RALYL: variants seen among roughly 807,000 people sequenced by gnomAD.
The protein encoded by RALYL is RALY RNA binding protein like, also known as RNA-binding Raly-like protein.
Under a neutral mutation model 35.1 loss-of-function variants are expected in RALYL, and 29 were observed. That is an observed-to-expected ratio of 0.83 (90% confidence interval 0.61 to 1.13). The LOEUF (loss-of-function observed/expected upper bound fraction) is 1.13. RALYL is among the 50% of genes most tolerant of loss of function. The pLI, the probability that RALYL is intolerant of heterozygous loss-of-function variation, is 0.00. For synonymous variants in RALYL, 120 were observed against 127.6 expected, an observed-to-expected ratio of 0.94 and a Z score of 0.40; for missense variants, 359 against 360.4, an observed-to-expected ratio of 1.00 and a Z score of 0.03.
intron 3 of RALYL, among the ~76,000 whole-genome samples, chr8:84,802,238 A>AAAAT (rs1192206179): frequency 1.3e-5 from 2 of 152,198 alleles, no homozygotes; most frequent in African/African-American, 4.8e-5. Context: ...CATGTGTCAC[A>AAAAT]AAATATTATT....
At chr8:84,598,098 T>C (rs114126855) in intron 2 of RALYL, among the ~76,000 whole-genome samples, 349 of 152,262 alleles carry the variant, frequency 2.3e-3, no homozygotes, top group African/African-American at 5.2e-3. Context: ...ATTGTTCTGC[T>C]CTGCCTTGGT....
intron 1 of RALYL, among the ~76,000 whole-genome samples, chr8:84,253,294 A>G (rs1194306502): frequency 7.4e-6 from 1 of 134,708 alleles, no homozygotes; most frequent in Admixed American, 8.8e-5. Context: ...GGTTCAAGCT[A>G]TTCTCCTGCC....
chr8:84,434,419 C>A (rs913826033), intron 1 of RALYL, among the ~76,000 whole-genome samples: 3 of 152,060 alleles, frequency 2.0e-5, no homozygotes, highest in Non-Finnish European at 4.4e-5. Context: ...TAAGGAACTA[C>A]CTTTCTAGAA....
At chr8:84,296,228 A>G (rs1839715030) in intron 1 of RALYL, among the ~76,000 whole-genome samples, 1 of 152,132 alleles carries the variant, frequency 6.6e-6, no homozygotes, top group Non-Finnish European at 1.5e-5. Context: ...TTCAGGGTGT[A>G]TAACCACTAA....
At chr8:84,619,431 T>C (rs1820714162) in intron 2 of RALYL, among the ~76,000 whole-genome samples, 1 of 148,748 alleles carries the variant, frequency 6.7e-6, no homozygotes. Context: ...CCTTTTTTTG[T>C]TTTCCATTTG....
chr8:84,301,983 G>A (rs1343350751), intron 1 of RALYL, among the ~76,000 whole-genome samples: 1 of 152,042 alleles, frequency 6.6e-6, no homozygotes, highest in East Asian at 1.9e-4. Context: ...GTTTGGGTAA[G>A]GGGAATTAAA....
chr8:84,901,978 C>A (rs984472995), intron 8 of RALYL, among the ~76,000 whole-genome samples: 1 of 152,020 alleles, frequency 6.6e-6, no homozygotes, highest in Non-Finnish European at 1.5e-5. Context: ...AGCCATTTCC[C>A]AGAACAAAGG....
chr8:84,334,201 C>T (rs866329112), intron 1 of RALYL, among the ~76,000 whole-genome samples: 5 of 152,064 alleles, frequency 3.3e-5, no homozygotes, highest in Middle Eastern at 3.4e-3. Context: ...AATACCAGGC[C>T]GTCTTTTTAA....
At chr8:84,221,501 A>G (rs1380621224) in intron 1 of RALYL, among the ~76,000 whole-genome samples, 1 of 152,010 alleles carries the variant, frequency 6.6e-6, no homozygotes, top group Non-Finnish European at 1.5e-5. Flanking sequence ...TGCTTTATTG[A>G]TCATTAGCTG....
At chr8:84,325,056 T>C (rs886872914) in intron 1 of RALYL, among the ~76,000 whole-genome samples, 7 of 152,158 alleles carry the variant, frequency 4.6e-5, no homozygotes, top group African/African-American at 1.4e-4. Flanking sequence ...ATAAAGATTG[T>C]TGTACTAGTA....
chr8:84,285,680 T>G (rs1837458289), intron 1 of RALYL, among the ~76,000 whole-genome samples: 1 of 152,100 alleles, frequency 6.6e-6, no homozygotes, highest in Non-Finnish European at 1.5e-5. Context: ...GCTCAAGGAA[T>G]AGCAAGTGTA....
chr8:84,773,310 T>C (rs973839191), intron 2 of RALYL, among the ~76,000 whole-genome samples: 3 of 152,228 alleles, frequency 2.0e-5, no homozygotes, highest in Non-Finnish European at 2.9e-5. Context: ...TCCAGAATTT[T>C]TGGTTGTTTT....
rs577960027 is a variant in RALYL, at chr8:84,695,047, A to G, written c.257-79532A>G. ...GAAGTATAATTAACGTCAGATATTA[A>G]CAAATATCAAGAAGAATTAGGATTA... On this transcript the variant is annotated intron_variant, in intron 2 of 8. Coordinates refer to ENST00000521268, the MANE Select transcript of RALYL (RefSeq NM_173848.7). 3.3e-5 allele frequency among the ~76,000 whole-genome samples: 5 copies of G among 151,948 alleles called. No homozygotes were observed. In the South Asian group the frequency reaches 1.0e-3, roughly 31 times the overall value.
At chr8:84,325,164 A>G (rs1264406727) in intron 1 of RALYL, among the ~76,000 whole-genome samples, 1 of 152,136 alleles carries the variant, frequency 6.6e-6, no homozygotes, top group Non-Finnish European at 1.5e-5. Context: ...ATTTTCTGTT[A>G]TGGGGAGAGG....
intron 2 of RALYL, among the ~76,000 whole-genome samples, chr8:84,554,250 A>G (rs1482143719): frequency 1.3e-5 from 2 of 152,226 alleles, no homozygotes; most frequent in Non-Finnish European, 2.9e-5. Flanking sequence ...CTTTAAGTTA[A>G]TTAGACTATC....
intron 1 of RALYL, among the ~76,000 whole-genome samples, chr8:84,298,980 A>C (rs1840279016): frequency 1.3e-5 from 2 of 152,046 alleles, no homozygotes. Context: ...AGAGTTTTCT[A>C]GGTATAAAAC....
intron 1 of RALYL, among the ~76,000 whole-genome samples, chr8:84,220,296 T>C (rs1011468498): frequency 1.8e-4 from 27 of 152,074 alleles, no homozygotes; most frequent in African/African-American, 6.3e-4. Context: ...CTTTGTCATA[T>C]ATGTAAGCAT....
chr8:84,873,517 C>A, intron 7 of RALYL, 120 bp downstream of exon 7: 1 of 497,258 alleles, frequency 2.0e-6, no homozygotes, highest in Non-Finnish European at 3.6e-6. Context: ...TACAGATGTG[C>A]CAACAATGTC....
Position 84,543,336 on chromosome 8 carries a change from T to G in RALYL, c.256+13759T>G, listed in dbSNP as rs149268470. ...TTACATATTTGATTACCATGAATTA[T>G]GATTGTATAGAAAAATAAAGTAACT... On this transcript the variant is annotated intron_variant, in intron 2 of 8. Coordinates refer to ENST00000521268, the MANE Select transcript of RALYL (RefSeq NM_173848.7). Among the ~76,000 whole-genome samples the G allele has an allele frequency of 2.2e-3, 335 of 152,174 alleles. 1 individual carries two copies. Among genetic ancestry groups the G allele is most frequent in the Non-Finnish European group, 3.7e-3 (250 of 67,962 alleles).
Sources: allele counts gnomAD v4.1 joint callset (sites outside exome capture counted in the v4.1 genomes callset), GRCh38; gene constraint gnomAD v4.1.1; transcripts MANE v1.5; gene names NCBI Gene and HGNC (gene_info 2026-07-23, HGNC 2026-07-21).